Variants in LMNTD1 observed in about 807,000 individuals in gnomAD.
LMNTD1 encodes the protein lamin tail domain-containing protein 1.
Under a neutral mutation model 50.9 loss-of-function variants are expected in LMNTD1, and 35 were observed. That is an observed-to-expected ratio of 0.69 (90% CI 0.53 to 0.91). LMNTD1 has a LOEUF of 0.91. Among genes scored for constraint, LMNTD1 ranks in the 40% least tolerant of loss-of-function variants. The pLI is 0.00. For synonymous variants in LMNTD1, 153 were observed against 161.9 expected (o/e 0.94, Z 0.42); for missense variants, 470 against 475.5 (o/e 0.99, Z 0.11).
intron 1 of LMNTD1, among the ~76,000 whole-genome samples, chr12:25,635,721 C>T (rs1946818230): frequency 6.6e-6 from 1 of 152,170 alleles, no homozygotes; most frequent in Admixed American, 6.5e-5. Flanking sequence ...CATCACACTA[C>T]CTGATTTCAA....
intron 6 of LMNTD1, among the ~76,000 whole-genome samples, chr12:25,523,146 G>A (rs1222524040): frequency 6.6e-6 from 1 of 152,100 alleles, no homozygotes; most frequent in Non-Finnish European, 1.5e-5. Context: ...CAATTCTCCT[G>A]TCTCAGCCTC....
rs141885879 is a variant in LMNTD1, at chr12:25,569,145, G to A, written c.59-22591C>T. Among the ~76,000 whole-genome samples, 363 of 152,234 alleles carry A rather than the reference G, an allele frequency of 2.4e-3. 1 individual carries two copies. Among genetic ancestry groups the A allele is most frequent in the African/African-American group, 8.3e-3 (343 of 41,558 alleles). The stretch of plus-strand genomic sequence containing the variant: ...GAAGGCAGCTGCAGGGGCTGCACCC[G>A]GCAAAGCCATGGAGGCAGAGCTGCC... On this transcript the variant is annotated intron_variant, in intron 1 of 7. Coordinates refer to the LMNTD1 transcript ENST00000445693.
chr12:25,577,363 G>C (rs984201723), intron 1 of LMNTD1, among the ~76,000 whole-genome samples: 1 of 152,028 alleles, frequency 6.6e-6, no homozygotes, highest in Admixed American at 6.6e-5. Flanking sequence ...CTTTTAATTC[G>C]TTGAGCAGTG....
chr12:25,514,270 C>T (rs962669404), intron 8 of LMNTD1, among the ~76,000 whole-genome samples: 2 of 152,096 alleles, frequency 1.3e-5, no homozygotes, highest in African/African-American at 4.8e-5. Context: ...ACGTGATGGA[C>T]ACACTCTCTG....
chr12:25,554,543 AT>A (rs1943950587), upstream of LMNTD1, among the ~76,000 whole-genome samples: 1 of 152,182 alleles, frequency 6.6e-6, no homozygotes, highest in Non-Finnish European at 1.5e-5. Flanking sequence ...GCTTAAACTA[AT>A]TTAGTGGTTT....
chr12:25,561,036 C>T (rs1169803797), intron 1 of LMNTD1, among the ~76,000 whole-genome samples: 10 of 152,138 alleles, frequency 6.6e-5, no homozygotes, highest in East Asian at 3.8e-4. Context: ...CTTTCTCTTG[C>T]CCGATTGCCT....
intron 2 of LMNTD1, among the ~76,000 whole-genome samples, chr12:25,549,837 C>T (rs181835323): frequency 1.2e-3 from 179 of 152,214 alleles, no homozygotes; most frequent in African/African-American, 4.3e-3. Context: ...TACAATGCCA[C>T]CAACAAGACA....
chr12:25,518,657 T>C, intron 8 of LMNTD1, 138 bp downstream of exon 8: 1 of 729,714 alleles, frequency 1.4e-6, no homozygotes, highest in Non-Finnish European at 2.3e-6. Flanking sequence ...TAACAATACT[T>C]CCTTTAAGAG....
chr12:25,514,553 T>A (rs1591864503), intron 8 of LMNTD1, among the ~76,000 whole-genome samples: 1 of 41,112 alleles, frequency 2.4e-5, no homozygotes, highest in East Asian at 9.6e-4. Flanking sequence ...GGATGGTTAA[T>A]GGATACAAAA....
chr12:25,566,177 C>T (rs1565486049), intron 1 of LMNTD1, among the ~76,000 whole-genome samples: 1 of 152,078 alleles, frequency 6.6e-6, no homozygotes, highest in African/African-American at 2.4e-5. Flanking sequence ...TTTGAATAAA[C>T]TTTCTACCCC....
intron 1 of LMNTD1, among the ~76,000 whole-genome samples, chr12:25,641,351 A>G (rs2136625808): frequency 6.6e-6 from 1 of 152,326 alleles, no homozygotes; most frequent in Non-Finnish European, 1.5e-5. Context: ...AGCAATAAGA[A>G]AATTATTGGC....
intron 7 of LMNTD1, 73 bp downstream of exon 7, chr12:25,519,785 T>C (rs959451435): frequency 3.2e-6 from 3 of 939,140 alleles, no homozygotes; most frequent in Middle Eastern, 3.4e-4. Flanking sequence ...ATTTGTCATC[T>C]AGTCGTTCCC....
intron 7 of LMNTD1, among the ~76,000 whole-genome samples, chr12:25,519,372 A>G (rs1263372156): frequency 6.6e-5 from 4 of 60,310 alleles, no homozygotes; most frequent in Non-Finnish European, 2.0e-4. Flanking sequence ...CGGGCGGATC[A>G]CAAGGAGATC....
At chr12:25,555,058 C>T (rs1943980679), upstream of LMNTD1, among the ~76,000 whole-genome samples, 1 of 149,284 alleles carries the variant, frequency 6.7e-6, no homozygotes, top group Admixed American at 6.7e-5. Context: ...GAACCAGTCT[C>T]CGTCATTAAA....
intron 8 of LMNTD1, among the ~76,000 whole-genome samples, chr12:25,511,447 A>G (rs1353466731): frequency 2.0e-5 from 3 of 152,140 alleles, no homozygotes; most frequent in Non-Finnish European, 4.4e-5. Flanking sequence ...GACAATGATG[A>G]GTTGTTCTGA....
intron 4 of LMNTD1, among the ~76,000 whole-genome samples, chr12:25,537,935 T>G (rs899320109): frequency 1.4e-5 from 2 of 147,508 alleles, no homozygotes; most frequent in Non-Finnish European, 3.0e-5. Context: ...TGCAGAAGCC[T>G]CAGGAGCCGA....
In LMNTD1 at chr12:25,518,466, T is replaced by C. The variant is rs563851479; in HGVS notation, c.1189+329A>G. Among the ~76,000 whole-genome samples, 7 of 147,136 alleles carry C rather than the reference T, an allele frequency of 4.8e-5. No individual in the cohort carries two copies. In the East Asian group the frequency reaches 1.4e-3, roughly 30 times the overall value. On this transcript the variant is annotated intron_variant, in intron 8 of 9. Coordinates refer to ENST00000458174, the MANE Select transcript of LMNTD1 (RefSeq NM_001145728.2). ...AACACAGCATAACTTGTAAGAACAGTTTTTGCTGCCTGATGAAAAAACAAA... is the reference window on the plus strand; with the variant it reads ...AACACAGCATAACTTGTAAGAACAGCTTTTGCTGCCTGATGAAAAAACAAA...
chr12:25,522,564 A>AT (rs1238057673), intron 6 of LMNTD1, among the ~76,000 whole-genome samples: 4 of 151,984 alleles, frequency 2.6e-5, no homozygotes, highest in Non-Finnish European at 5.9e-5. Context: ...TCCAAGCCCC[A>AT]TTTTTTTTCC....
intron 1 of LMNTD1, among the ~76,000 whole-genome samples, chr12:25,583,035 A>G (rs1945366098): frequency 6.9e-6 from 1 of 143,898 alleles, no homozygotes; most frequent in South Asian, 2.2e-4. Context: ...TTTTTTTGAG[A>G]CGGAGTCTCG....
Sources: gnomAD v4.1 joint callset for allele counts (sites outside exome capture counted in the v4.1 genomes callset) on GRCh38, gnomAD v4.1.1 for gene constraint, MANE v1.5 for transcripts, NCBI Gene and HGNC (gene_info 2026-07-23, HGNC 2026-07-21) for gene names.